Variants in PPP1R9A observed in about 807,000 individuals in gnomAD.
PPP1R9A encodes the protein protein phosphatase 1 regulatory subunit 9A, also known as neurabin-1.
Under a neutral mutation model 141.9 loss-of-function variants are expected in PPP1R9A, and 59 were observed. The observed-to-expected ratio is 0.42, with a 90% confidence interval of 0.34 to 0.52. PPP1R9A has a LOEUF of 0.52. Among genes scored for constraint, PPP1R9A ranks in the 20% least tolerant of loss-of-function variants. The pLI, the probability that PPP1R9A is intolerant of heterozygous loss-of-function variation, is 0.10. For synonymous variants in PPP1R9A, 500 were observed against 569.7 expected, an observed-to-expected ratio of 0.88 and a Z score of 1.74; for missense variants, 1,444 against 1,611.9, an observed-to-expected ratio of 0.90 and a Z score of 1.78.
At chr7:95,170,966 A>C (rs925374471) in intron 5 of PPP1R9A, among the ~76,000 whole-genome samples, 2 of 151,612 alleles carry the variant, frequency 1.3e-5, no homozygotes, top group Non-Finnish European at 3.0e-5. Context: ...ATACTTTTGT[A>C]AGGTGATTAT....
In PPP1R9A at chr7:95,294,573, C is replaced by G. The variant is rs1436822726; in HGVS notation, c.*4270C>G. 1 of 152,114 alleles carries G rather than the reference C, an allele frequency of 6.6e-6. No individual in the cohort carries two copies. The highest frequency in any genetic ancestry group is 6.5e-5 in the Admixed American group (1 of 15,276). The allele number at this position is 152,114 out of a possible 1,614,324, so 9.4% of individuals were successfully genotyped here. The stretch of plus-strand genomic sequence containing the variant: ...CAGTGATTCACTCCTGAAAAGCAGC[C>G]TGGGTATGTTGGCAGATTTTGTTTG... On this transcript the variant is annotated 3_prime_UTR_variant, in exon 20 of 20. Coordinates refer to ENST00000433360, the MANE Select transcript of PPP1R9A (RefSeq NM_001166160.2).
chr7:95,262,247 C>A (rs949650534), intron 12 of PPP1R9A, among the ~76,000 whole-genome samples: 7 of 152,172 alleles, frequency 4.6e-5, no homozygotes, highest in African/African-American at 1.7e-4. Flanking sequence ...CCCAGCTTAT[C>A]CACATGATGT....
chr7:94,911,707 T>C lies in PPP1R9A; in HGVS notation c.1395+199T>C, dbSNP rs1004361367. Reference sequence around the variant, plus strand: ...TCAATTACATTTCTTAAATGTGCTTTATAATGGCATACATCAATAGTGAGT... The same window carrying C: ...TCAATTACATTTCTTAAATGTGCTTCATAATGGCATACATCAATAGTGAGT... On this transcript the variant is annotated intron_variant, in intron 2 of 19. Coordinates refer to ENST00000433360, the MANE Select transcript of PPP1R9A (RefSeq NM_001166160.2). Among the ~76,000 whole-genome samples, 7 of 152,142 alleles carry C rather than the reference T, an allele frequency of 4.6e-5. No individual in the cohort carries two copies. The East Asian group carries it at 1.3e-3, about 29-fold the overall frequency.
intron 7 of PPP1R9A, among the ~76,000 whole-genome samples, chr7:95,221,334 A>G (rs185714815): frequency 7.8e-4 from 119 of 152,226 alleles, no homozygotes; most frequent in African/African-American, 2.5e-3. Flanking sequence ...CTAATTCCCA[A>G]TGTCTCAGGA....
At chr7:94,987,271 C>A (rs1179360898) in intron 2 of PPP1R9A, among the ~76,000 whole-genome samples, 3 of 152,016 alleles carry the variant, frequency 2.0e-5, no homozygotes, top group African/African-American at 7.2e-5. Context: ...TCCTATTCAG[C>A]AGATAAGCAG....
At chr7:95,079,712 C>A (rs1815481948) in intron 2 of PPP1R9A, among the ~76,000 whole-genome samples, 1 of 152,172 alleles carries the variant, frequency 6.6e-6, no homozygotes, top group Non-Finnish European at 1.5e-5. Flanking sequence ...CAAACTGAAT[C>A]CAGCAGCACA....
chr7:95,124,976 T>C (rs1251585928), intron 4 of PPP1R9A, among the ~76,000 whole-genome samples: 1 of 152,178 alleles, frequency 6.6e-6, no homozygotes, highest in African/African-American at 2.4e-5. Context: ...TCCAGTATAG[T>C]TAAATAGTTA....
chr7:95,187,939 G>A (rs774552331), intron 5 of PPP1R9A, among the ~76,000 whole-genome samples: 13 of 151,822 alleles, frequency 8.6e-5, no homozygotes, highest in Non-Finnish European at 1.2e-4. Flanking sequence ...GTCTATCTTC[G>A]AGAATTTTCC....
chr7:95,031,763 CAA>C (rs778376536), intron 2 of PPP1R9A, among the ~76,000 whole-genome samples: 17 of 70,092 alleles, frequency 2.4e-4, no homozygotes, highest in Admixed American at 6.3e-4. Flanking sequence ...GATTCAGTTT[CAA>C]AAAAAAAAAA....
At chr7:94,949,397 A>G (rs1437785645) in intron 2 of PPP1R9A, among the ~76,000 whole-genome samples, 1 of 152,120 alleles carries the variant, frequency 6.6e-6, no homozygotes, top group Non-Finnish European at 1.5e-5. Context: ...GTAATACTCA[A>G]ATGTCTTGCT....
At chr7:95,234,356 A>G (rs1796388228) in intron 8 of PPP1R9A, among the ~76,000 whole-genome samples, 1 of 152,212 alleles carries the variant, frequency 6.6e-6, no homozygotes. Flanking sequence ...AATGTACACA[A>G]ATCAGTAGCT....
intron 2 of PPP1R9A, among the ~76,000 whole-genome samples, chr7:95,048,680 T>C (rs1584436720): frequency 6.6e-6 from 1 of 151,860 alleles, no homozygotes; most frequent in Admixed American, 6.6e-5. Flanking sequence ...GTAGCTGGGA[T>C]TACAGGTGCC....
intron 2 of PPP1R9A, among the ~76,000 whole-genome samples, chr7:95,061,062 C>A (rs1162282039): frequency 6.6e-6 from 1 of 152,050 alleles, no homozygotes; most frequent in Non-Finnish European, 1.5e-5. Flanking sequence ...TACCTCTGAC[C>A]CTGTATGTGC....
chr7:95,125,502 A>G (rs918619845), intron 4 of PPP1R9A, among the ~76,000 whole-genome samples: 3 of 152,196 alleles, frequency 2.0e-5, no homozygotes, highest in African/African-American at 7.2e-5. Context: ...ACACTTTCAC[A>G]CACTAATGAT....
intron 4 of PPP1R9A, among the ~76,000 whole-genome samples, chr7:95,121,966 T>TAA (rs1291778456): frequency 6.6e-6 from 1 of 152,196 alleles, no homozygotes; most frequent in Admixed American, 6.5e-5. Context: ...GGCAATATAA[T>TAA]AAAAGTAGAC....
chr7:94,925,139 G>T (rs1384611773), intron 2 of PPP1R9A, among the ~76,000 whole-genome samples: 1 of 152,160 alleles, frequency 6.6e-6, no homozygotes, highest in Non-Finnish European at 1.5e-5. Context: ...GGGTGGGTTG[G>T]CAGGCTAGAG....
chr7:94,921,945 A>G (rs1178466295), intron 2 of PPP1R9A, among the ~76,000 whole-genome samples: 1 of 152,058 alleles, frequency 6.6e-6, no homozygotes, highest in Non-Finnish European at 1.5e-5. Context: ...AGCCTGGGCA[A>G]CAGAGCAAGA....
intron 2 of PPP1R9A, among the ~76,000 whole-genome samples, chr7:94,913,728 G>A (rs1202947189): frequency 2.6e-5 from 4 of 151,858 alleles, no homozygotes; most frequent in Admixed American, 1.3e-4. Context: ...GATTTTTTTT[G>A]CTGCAGAGGG....
chr7:95,204,916 C>T (rs993513160), intron 7 of PPP1R9A, among the ~76,000 whole-genome samples: 4 of 148,590 alleles, frequency 2.7e-5, no homozygotes, highest in Non-Finnish European at 6.0e-5. Context: ...ACACCTCACG[C>T]CCCCACACCA....
Sources: gnomAD v4.1 joint callset for allele counts (sites outside exome capture counted in the v4.1 genomes callset) on GRCh38, gnomAD v4.1.1 for gene constraint, MANE v1.5 for transcripts, NCBI Gene and HGNC (gene_info 2026-07-23, HGNC 2026-07-21) for gene names.